KIAA0753: variants seen among roughly 807,000 people sequenced by gnomAD.
KIAA0753 encodes the protein protein moonraker.
Under a neutral mutation model 116.9 loss-of-function variants are expected in KIAA0753, and 114 were observed. The observed-to-expected ratio is 0.98, with a 90% CI of 0.84 to 1.14. The LOEUF (loss-of-function observed/expected upper bound fraction) is 1.14. KIAA0753 is among the 50% of genes most tolerant of loss of function. KIAA0753 has a pLI of 0.00. For synonymous variants in KIAA0753, 405 were observed against 413.1 expected (o/e 0.98, Z 0.24); for missense variants, 1,156 against 1,172.4 (o/e 0.99, Z 0.20).
At chr17:6,610,192 C>G in intron 8 of KIAA0753, 32 bp from the exon 9 acceptor site, 1 of 1,608,642 alleles carries the variant, frequency 6.2e-7, no homozygotes, top group Non-Finnish European at 8.5e-7. Flanking sequence ...TATAAGGCCA[C>G]ACAAATACCA....
In KIAA0753 at chr17:6,633,449, C is replaced by T. The variant is rs533607165; in HGVS notation, c.93+1562G>A. ...ATACATTGTCAGCAGGAATGTAAAA[C>T]GGTACCACCACTATGTAAAAAGGTC... On this transcript the variant is annotated intron_variant, in intron 2 of 18. Transcript: ENST00000361413. Among the ~76,000 whole-genome samples, 9 of 152,242 alleles carry T rather than the reference C, an allele frequency of 5.9e-5. No individual in the cohort carries two copies. In the South Asian group the frequency reaches 1.7e-3, roughly 28 times the overall value.
chr17:6,582,841 T>C (rs1466935613), intron 18 of KIAA0753, among the ~76,000 whole-genome samples: 3 of 152,192 alleles, frequency 2.0e-5, no homozygotes, highest in African/African-American at 7.2e-5. Context: ...TTTTTTCCCA[T>C]ACAATGCAAG....
chr17:6,596,035 G>T, intron 15 of KIAA0753, 123 bp downstream of exon 15: 2 of 914,794 alleles, frequency 2.2e-6, no homozygotes, highest in South Asian at 3.4e-5. Context: ...TGGCAATAGA[G>T]CAGGGATTTA....
At chr17:6,612,394 T>C (rs998561951) in intron 7 of KIAA0753, among the ~76,000 whole-genome samples, 2 of 152,350 alleles carry the variant, frequency 1.3e-5, no homozygotes, top group Non-Finnish European at 1.5e-5. Context: ...CTGGTCCCTT[T>C]GATCCTAATT....
intron 2 of KIAA0753, among the ~76,000 whole-genome samples, chr17:6,632,984 G>A (rs1972098911): frequency 6.6e-6 from 1 of 152,040 alleles, no homozygotes; most frequent in Non-Finnish European, 1.5e-5. Flanking sequence ...GGACACTATT[G>A]GGACAACTAA....
intron 5 of KIAA0753, 117 bp from the exon 6 acceptor site, chr17:6,623,214 G>C: frequency 9.3e-7 from 1 of 1,074,244 alleles, no homozygotes; most frequent in South Asian, 1.7e-5. Flanking sequence ...TTTCTATTGT[G>C]AAAACTTTTT....
chr17:6,591,012 AGAAGAAG>A (rs1314690341), intron 16 of KIAA0753, among the ~76,000 whole-genome samples: 12 of 84,742 alleles, frequency 1.4e-4, no homozygotes, highest in East Asian at 1.1e-3. Context: ...AGAAGAAGGA[AGAAGAAG>A]GAAGAAGGAA....
At chr17:6,587,666 T>C (rs1192831436) in intron 18 of KIAA0753, among the ~76,000 whole-genome samples, 2 of 152,202 alleles carry the variant, frequency 1.3e-5, no homozygotes, top group African/African-American at 2.4e-5. Context: ...GAAGACAAAT[T>C]TGTGTCTCTA....
chr17:6,610,235 A>G, intron 8 of KIAA0753, 75 bp from the exon 9 acceptor site: 2 of 1,482,768 alleles, frequency 1.3e-6, no homozygotes, highest in East Asian at 2.3e-5. Flanking sequence ...GACTCACTGA[A>G]GCTCCAAGTT....
chr17:6,628,576 C>T lies in KIAA0753; in HGVS notation c.259G>A (p.Val87Ile). The change falls in exon 3 of 19, where the codon GTT becomes ATT. Residue 87 changes from valine (V) to isoleucine (I), a missense_variant. By Grantham distance (29) the Val-to-Ile change is conservative. Transcript: ENST00000361413. ...TCTTGGGATATGACGGAAAATGAAA[C>T]AGAACTGCCCAGGTCAGGACCAACT... Reference protein sequence around the residue: ...CRVGPDLGSSVSFSVISQERL... With the variant: ...CRVGPDLGSSISFSVISQERL... 2 of 1,614,186 alleles carry T rather than the reference C, an allele frequency of 1.2e-6. No individual in the cohort carries two copies. The highest frequency in any genetic ancestry group is 1.7e-6 in the Non-Finnish European group (2 of 1,180,030).
intron 8 of KIAA0753, 90 bp from the exon 9 acceptor site, chr17:6,610,250 A>C: frequency 8.3e-7 from 1 of 1,201,912 alleles, no homozygotes; most frequent in Non-Finnish European, 1.1e-6. Flanking sequence ...CAAGTTCTCC[A>C]TGTTATTCAT....
intron 16 of KIAA0753, among the ~76,000 whole-genome samples, chr17:6,590,944 A>C (rs1597468613): frequency 6.6e-6 from 1 of 152,004 alleles, no homozygotes; most frequent in African/African-American, 2.4e-5. Flanking sequence ...AAGGAGTCTT[A>C]AGCAATTGGG....
chr17:6,614,835 G>T (rs1214995896), intron 7 of KIAA0753, among the ~76,000 whole-genome samples: 1 of 152,216 alleles, frequency 6.6e-6, no homozygotes, highest in Non-Finnish European at 1.5e-5. Flanking sequence ...GTCTTGCTCT[G>T]TTGTCCAGCC....
intron 7 of KIAA0753, 80 bp downstream of exon 7, chr17:6,620,708 C>T: frequency 7.2e-7 from 1 of 1,386,960 alleles, no homozygotes; most frequent in Non-Finnish European, 1.0e-6. Flanking sequence ...TCCTGACTTT[C>T]CCCTCAGTGC....
chr17:6,587,883 A>G (rs1968700116), intron 18 of KIAA0753, among the ~76,000 whole-genome samples: 2 of 152,372 alleles, frequency 1.3e-5, no homozygotes, highest in African/African-American at 4.8e-5. Context: ...AGATTTTCAG[A>G]AGATAAACGC....
intron 18 of KIAA0753, among the ~76,000 whole-genome samples, chr17:6,582,104 C>G (rs1244401359): frequency 6.6e-6 from 1 of 152,176 alleles, no homozygotes; most frequent in Non-Finnish European, 1.5e-5. Context: ...TATATTCATC[C>G]CAGCCTTCCC....
intron 18 of KIAA0753, among the ~76,000 whole-genome samples, chr17:6,584,179 C>G (rs1427701023): frequency 6.4e-5 from 3 of 46,990 alleles, no homozygotes; most frequent in Non-Finnish European, 1.2e-4. Flanking sequence ...GTCCTCTGTT[C>G]TGAAAAGGCT....
chr17:6,596,705 A>G (rs1032255695), intron 14 of KIAA0753, among the ~76,000 whole-genome samples: 1 of 152,164 alleles, frequency 6.6e-6, no homozygotes, highest in Admixed American at 6.5e-5. Context: ...ATTCCAGAGG[A>G]TGTAACTATT....
Position 6,602,638 on chromosome 17 carries a change from A to C in KIAA0753, c.2010-2180T>G, listed in dbSNP as rs572772087. 2.0e-5 allele frequency among the ~76,000 whole-genome samples: 3 copies of C among 152,296 alleles called. No homozygotes were observed. The South Asian group carries it at 6.2e-4, about 32-fold the overall frequency. ...GGTGTGGAGTAGAGAACGACCAAAA[A>C]AGACATGTGGGTACTTTCTAGGTTG... is the stretch of plus-strand genomic sequence containing the variant. On this transcript the variant is annotated intron_variant, in intron 12 of 18. Transcript: ENST00000361413.
Sources: gnomAD v4.1 joint callset for allele counts (sites outside exome capture counted in the v4.1 genomes callset) on GRCh38, gnomAD v4.1.1 for gene constraint, MANE v1.5 for transcripts, NCBI Gene and HGNC (gene_info 2026-07-23, HGNC 2026-07-21) for gene names.